SLC25A21: variants seen among roughly 807,000 people sequenced by gnomAD.
SLC25A21 encodes the protein mitochondrial 2-oxodicarboxylate carrier.
A neutral mutation model predicts 43.8 loss-of-function variants in SLC25A21; 47 were observed. The ratio of observed to expected loss-of-function variants is 1.07; its 90% CI spans 0.85 to 1.37. SLC25A21 has a LOEUF of 1.37. SLC25A21 is among the 40% of genes most tolerant of loss of function. The probability of loss-of-function intolerance (pLI) is 0.00; values close to 1 mark genes in which losing one functional copy is unlikely to be tolerated. For synonymous variants in SLC25A21, 131 were observed against 121.3 expected (o/e 1.08, Z -0.52); for missense variants, 352 against 350.2 (o/e 1.00, Z -0.04).
At chr14:37,154,930 C>A (rs938184099) in intron 1 of SLC25A21, among the ~76,000 whole-genome samples, 1 of 152,122 alleles carries the variant, frequency 6.6e-6, no homozygotes, top group Non-Finnish European at 1.5e-5. Context: ...GTGTGAGGCA[C>A]CACGCCCGGC....
At chr14:37,057,622 T>C (rs976171) in intron 1 of SLC25A21, among the ~76,000 whole-genome samples, 21,415 of 152,208 alleles carry the variant, frequency 0.14, 3,476 homozygotes, top group African/African-American at 0.4. Context: ...ACTGAATATG[T>C]ACAACTGACA....
chr14:37,150,535 T>C (rs1963740823), intron 1 of SLC25A21, among the ~76,000 whole-genome samples: 1 of 152,192 alleles, frequency 6.6e-6, no homozygotes, highest in Non-Finnish European at 1.5e-5. Flanking sequence ...GAATTCTCTA[T>C]GATCTATGCA....
intron 1 of SLC25A21, among the ~76,000 whole-genome samples, chr14:37,007,973 C>G (rs1031154085): frequency 6.6e-6 from 1 of 150,820 alleles, no homozygotes; most frequent in Non-Finnish European, 1.5e-5. Context: ...TTTTCAGGTT[C>G]AAGCGATTCT....
At chr14:36,897,883 G>A (rs548686788) in intron 1 of SLC25A21, among the ~76,000 whole-genome samples, 82 of 152,282 alleles carry the variant, frequency 5.4e-4, no homozygotes, top group African/African-American at 1.8e-3. Context: ...CTGCCTGATC[G>A]TTCCTCTGGA....
At chr14:36,705,631 C>G (rs1479068543) in intron 7 of SLC25A21, among the ~76,000 whole-genome samples, 1 of 152,134 alleles carries the variant, frequency 6.6e-6, no homozygotes, top group Non-Finnish European at 1.5e-5. Flanking sequence ...ACACACAATT[C>G]CCCATTTCCA....
chr14:36,907,740 T>C (rs1891575010), intron 1 of SLC25A21, among the ~76,000 whole-genome samples: 1 of 152,068 alleles, frequency 6.6e-6, no homozygotes, highest in Admixed American at 6.6e-5. Flanking sequence ...CCAAAAGAGA[T>C]ATGGCCACAG....
chr14:36,800,158 T>A (rs531401101), intron 3 of SLC25A21, among the ~76,000 whole-genome samples: 8 of 152,254 alleles, frequency 5.3e-5, no homozygotes, highest in Admixed American at 6.5e-5. Context: ...ATAGCTTTTT[T>A]AAAAAAGTCA....
chr14:36,884,790 CTCT>C (rs765122914), intron 1 of SLC25A21, among the ~76,000 whole-genome samples: 2 of 152,052 alleles, frequency 1.3e-5, no homozygotes, highest in African/African-American at 2.4e-5. Context: ...TGAGAAATAT[CTCT>C]TCAAGTCCCT....
rs1440084308 is a variant in SLC25A21, at chr14:37,040,357, GAA to G, written c.70+131922_70+131923del. Among the ~76,000 whole-genome samples the G allele has an allele frequency of 1.3e-3, 60 of 45,076 alleles. 2 individuals are homozygous for G. The highest frequency in any genetic ancestry group is 3.5e-3 in the Admixed American group (16 of 4,540). The allele number at this position is 45,076 out of a possible 152,430, so 29.6% of individuals were successfully genotyped here. On this transcript the variant is annotated intron_variant, in intron 1 of 9. Coordinates refer to ENST00000331299, the MANE Select transcript of SLC25A21 (RefSeq NM_030631.4). ...GGAAGGAAGGAAGGAAGGAAGGAAAGAAAGAGAGAGAGAGAGAGAAAGAAAGA... is the reference window on the plus strand; with the variant it reads ...GGAAGGAAGGAAGGAAGGAAGGAAAGAGAGAGAGAGAGAGAGAAAGAAAGA...
intron 3 of SLC25A21, among the ~76,000 whole-genome samples, chr14:36,796,387 CTTTCTT>C (rs1887672840): frequency 9.8e-6 from 1 of 102,072 alleles, no homozygotes; most frequent in African/African-American, 3.6e-5. Flanking sequence ...CTCTCTTTCT[CTTTCTT>C]TCTCTTTCTT....
At chr14:37,019,055 T>A (rs895569019) in intron 1 of SLC25A21, among the ~76,000 whole-genome samples, 1 of 151,876 alleles carries the variant, frequency 6.6e-6, no homozygotes, top group African/African-American at 2.4e-5. Flanking sequence ...TCCAATCTAT[T>A]CTCCACACAG....
At chr14:37,149,621 G>A (rs756647220) in intron 1 of SLC25A21, among the ~76,000 whole-genome samples, 1 of 152,098 alleles carries the variant, frequency 6.6e-6, no homozygotes, top group African/African-American at 2.4e-5. Flanking sequence ...CTTAAACCGG[G>A]AGGCAGAGGT....
At chr14:37,023,485 T>C (rs552569781) in intron 1 of SLC25A21, among the ~76,000 whole-genome samples, 1 of 152,112 alleles carries the variant, frequency 6.6e-6, no homozygotes, top group African/African-American at 2.4e-5. Context: ...GGTTCATAGC[T>C]ACTTCTGTTA....
At chr14:36,745,637 GTCT>G (rs1885464231) in intron 3 of SLC25A21, among the ~76,000 whole-genome samples, 1 of 152,118 alleles carries the variant, frequency 6.6e-6, no homozygotes, top group East Asian at 1.9e-4. Flanking sequence ...CTGCATAAAT[GTCT>G]TCTTTTGAGA....
At chr14:36,794,041 T>C (rs1455896164) in intron 3 of SLC25A21, among the ~76,000 whole-genome samples, 1 of 152,020 alleles carries the variant, frequency 6.6e-6, no homozygotes, top group Admixed American at 6.5e-5. Context: ...ATAATATTCA[T>C]AGGAAAATTC....
intron 2 of SLC25A21, 87 bp downstream of exon 2, chr14:36,874,868 TG>T: frequency 9.4e-7 from 1 of 1,064,212 alleles, no homozygotes; most frequent in Non-Finnish European, 1.4e-6. Flanking sequence ...GCTACCGGCC[TG>T]GGACAAGTCC....
At chr14:36,914,456 C>T (rs1891775059) in intron 1 of SLC25A21, among the ~76,000 whole-genome samples, 2 of 152,142 alleles carry the variant, frequency 1.3e-5, no homozygotes, top group Admixed American at 6.6e-5. Context: ...TTACATAAAG[C>T]AGTGCTGTTT....
chr14:37,057,531 T>A (rs945979669), intron 1 of SLC25A21, among the ~76,000 whole-genome samples: 9 of 152,228 alleles, frequency 5.9e-5, no homozygotes, highest in Non-Finnish European at 1.3e-4. Flanking sequence ...TTCTCCCAGT[T>A]AAATCATTAG....
At chr14:36,953,722 T>C (rs1271398015) in intron 1 of SLC25A21, among the ~76,000 whole-genome samples, 2 of 152,194 alleles carry the variant, frequency 1.3e-5, no homozygotes, top group Non-Finnish European at 2.9e-5. Context: ...ACATTTGCTA[T>C]TAATTGGAAA....
Sources: gnomAD v4.1 joint callset for allele counts (sites outside exome capture counted in the v4.1 genomes callset) on GRCh38, gnomAD v4.1.1 for gene constraint, MANE v1.5 for transcripts, NCBI Gene and HGNC (gene_info 2026-07-23, HGNC 2026-07-21) for gene names.